Variants in CREB5 observed in about 807,000 individuals in gnomAD.
CREB5 encodes cyclic AMP-responsive element-binding protein 5.
In CREB5, 19 loss-of-function variants were observed where a neutral mutation model predicts 57.1. That is an observed-to-expected ratio of 0.33 (90% CI 0.23 to 0.49). The LOEUF (loss-of-function observed/expected upper bound fraction) is 0.49, where lower values mean the gene tolerates loss of function less well. Among genes scored for constraint, CREB5 ranks in the 20% least tolerant of loss-of-function variants. CREB5 has a pLI of 0.99. For synonymous variants in CREB5, 238 were observed against 238.3 expected (o/e 1.00, Z 0.01); for missense variants, 579 against 671.6 (o/e 0.86, Z 1.52).
chr7:28,793,862 G>A (rs6964001), intron 7 of CREB5, among the ~76,000 whole-genome samples: 4 of 152,094 alleles, frequency 2.6e-5, no homozygotes, highest in Non-Finnish European at 5.9e-5. Flanking sequence ...GTTGCTCTCT[G>A]TCCAGCTTGC....
At chr7:28,790,424 AAGAAAGAGAG>A (rs1202697567) in intron 7 of CREB5, among the ~76,000 whole-genome samples, 1 of 114,568 alleles carries the variant, frequency 8.7e-6, no homozygotes, top group African/African-American at 3.7e-5. Flanking sequence ...AGAAGAAAGA[AAGAAAGAGAG>A]AGAGAGAGAG....
At chr7:28,349,710 A>G (rs1235292986) in intron 1 of CREB5, among the ~76,000 whole-genome samples, 4 of 152,118 alleles carry the variant, frequency 2.6e-5, no homozygotes, top group African/African-American at 9.7e-5. Flanking sequence ...CGATGGAGGG[A>G]CACCAGGAGA....
intron 7 of CREB5, among the ~76,000 whole-genome samples, chr7:28,790,339 A>G (rs1000335738): frequency 2.6e-5 from 4 of 152,094 alleles, no homozygotes; most frequent in Non-Finnish European, 5.9e-5. Flanking sequence ...GTGGTGTCTC[A>G]CCAAGGAAGC....
chr7:28,701,591 C>T (rs1801863344), intron 5 of CREB5, among the ~76,000 whole-genome samples: 1 of 152,120 alleles, frequency 6.6e-6, no homozygotes, highest in Admixed American at 6.5e-5. Context: ...TCAACTCAAA[C>T]TAGGGGTATA....
At chr7:28,583,394 G>A (rs984955056) in intron 5 of CREB5, among the ~76,000 whole-genome samples, 7 of 152,154 alleles carry the variant, frequency 4.6e-5, no homozygotes, top group African/African-American at 1.7e-4. Context: ...AGGTGATTGA[G>A]GGGAGAATAA....
intron 1 of CREB5, among the ~76,000 whole-genome samples, chr7:28,385,762 A>G (rs1261001690): frequency 1.3e-5 from 2 of 152,196 alleles, no homozygotes; most frequent in Non-Finnish European, 2.9e-5. Flanking sequence ...GAATAAAAAT[A>G]TAAATTATTA....
chr7:28,700,110 G>A (rs944951019), intron 5 of CREB5, among the ~76,000 whole-genome samples: 2 of 152,186 alleles, frequency 1.3e-5, no homozygotes, highest in Non-Finnish European at 2.9e-5. Flanking sequence ...AGCTATGAAT[G>A]ACAGTAGTTG....
chr7:28,409,217 G>A (rs1255577142), upstream of CREB5: 2 of 151,014 alleles, frequency 1.3e-5, no homozygotes, highest in Admixed American at 1.3e-4. This position sits in a 1 kb window ranked among gnomAD's most constrained non-coding sequence, Gnocchi z 4.4. Context: ...CGGGACCGGG[G>A]CGGGGCCTGC....
intron 4 of CREB5, among the ~76,000 whole-genome samples, chr7:28,537,849 T>A (rs1042959094): frequency 2.0e-5 from 3 of 152,210 alleles, no homozygotes; most frequent in African/African-American, 7.2e-5. Context: ...GAATACCGTT[T>A]GGGTTTCTAC....
intron 1 of CREB5, among the ~76,000 whole-genome samples, chr7:28,321,810 C>G (rs575736677): frequency 6.6e-6 from 1 of 152,196 alleles, no homozygotes; most frequent in Non-Finnish European, 1.5e-5. Context: ...GAATTTTCAA[C>G]ATGATCACAG....
chr7:28,798,542 G>A (rs1018972456), intron 7 of CREB5, among the ~76,000 whole-genome samples: 5 of 152,296 alleles, frequency 3.3e-5, no homozygotes, highest in South Asian at 2.1e-4. Flanking sequence ...TGACAGCAGC[G>A]GCCACACTCG....
At chr7:28,409,157 C>G (rs905521339), upstream of CREB5, among the ~76,000 whole-genome samples, 1 of 151,562 alleles carries the variant, frequency 6.6e-6, no homozygotes, top group Non-Finnish European at 1.5e-5. The surrounding 1 kb of genome is among the most constrained non-coding windows in gnomAD (Gnocchi z 4.4). Flanking sequence ...CCGCCGCTGC[C>G]GCTCCCGGGC....
At chr7:28,764,598 T>C (rs932164273) in intron 7 of CREB5, among the ~76,000 whole-genome samples, 5 of 152,212 alleles carry the variant, frequency 3.3e-5, no homozygotes, top group Non-Finnish European at 5.9e-5. Context: ...ATAATTTGGG[T>C]TCTATTTTCA....
chr7:28,612,607 A>C (rs938425652), intron 5 of CREB5, among the ~76,000 whole-genome samples: 2 of 150,034 alleles, frequency 1.3e-5, no homozygotes, highest in African/African-American at 4.9e-5. Flanking sequence ...CAGTTAAAGC[A>C]GACTTGGGTA....
intron 1 of CREB5, among the ~76,000 whole-genome samples, chr7:28,316,470 A>G (rs1583666599): frequency 6.6e-6 from 1 of 152,146 alleles, no homozygotes; most frequent in African/African-American, 2.4e-5. Context: ...AAAAAGAAAG[A>G]GACAAATCAA....
At chr7:28,345,551 T>C (rs1261100650) in intron 1 of CREB5, among the ~76,000 whole-genome samples, 1 of 152,150 alleles carries the variant, frequency 6.6e-6, no homozygotes, top group Non-Finnish European at 1.5e-5. Flanking sequence ...GCAGGGCAGG[T>C]CCTGCAGGCA....
chr7:28,347,422 G>A (rs185858779), intron 1 of CREB5, among the ~76,000 whole-genome samples: 4 of 152,102 alleles, frequency 2.6e-5, no homozygotes, highest in Non-Finnish European at 5.9e-5. Context: ...TTGAGTTCAA[G>A]AATAGAAAAT....
intron 5 of CREB5, among the ~76,000 whole-genome samples, chr7:28,620,623 C>T (rs971662584): frequency 6.6e-6 from 1 of 152,114 alleles, no homozygotes; most frequent in Non-Finnish European, 1.5e-5. Flanking sequence ...CCAGGAAATG[C>T]CTATTCCCTC....
intron 1 of CREB5, among the ~76,000 whole-genome samples, chr7:28,394,982 T>G (rs1477743890): frequency 6.6e-6 from 1 of 152,006 alleles, no homozygotes; most frequent in African/African-American, 2.4e-5. Context: ...TATCTTCCTT[T>G]CTGCTTTGAA....
Sources: gnomAD v4.1 joint callset for allele counts (sites outside exome capture counted in the v4.1 genomes callset) on GRCh38, gnomAD v4.1.1 for gene constraint, Gnocchi (gnomAD v3.1) non-coding constraint, MANE v1.5 for transcripts, NCBI Gene and HGNC (gene_info 2026-07-23, HGNC 2026-07-21) for gene names.